CDH13: variants seen among roughly 807,000 people sequenced by gnomAD.
CDH13 encodes cadherin 13.
A neutral mutation model predicts 63.8 loss-of-function variants in CDH13; 24 were observed. That is an observed-to-expected ratio of 0.38 (90% CI 0.27 to 0.53). The LOEUF (loss-of-function observed/expected upper bound fraction) is 0.53, where lower values mean the gene tolerates loss of function less well. Among genes scored for constraint, CDH13 ranks in the 20% least tolerant of loss-of-function variants. CDH13 has a pLI of 0.85. For synonymous variants in CDH13, 503 were observed against 355.3 expected (o/e 1.42, Z -4.67); for missense variants, 1,049 against 903.1 (o/e 1.16, Z -2.07).
At chr16:83,488,790 A>C (rs1252254440) in intron 7 of CDH13, among the ~76,000 whole-genome samples, 2 of 151,874 alleles carry the variant, frequency 1.3e-5, no homozygotes, top group African/African-American at 4.8e-5. Context: ...ACACCTGGCT[A>C]ATTTTTATAT....
chr16:83,276,174 A>G (rs886447931), intron 5 of CDH13, among the ~76,000 whole-genome samples: 2 of 152,096 alleles, frequency 1.3e-5, no homozygotes, highest in African/African-American at 4.8e-5. Context: ...GGACAGCCCA[A>G]TCCATCCCAA....
intron 10 of CDH13, among the ~76,000 whole-genome samples, chr16:83,747,015 T>C (rs1912644732): frequency 6.6e-6 from 1 of 152,184 alleles, no homozygotes; most frequent in African/African-American, 2.4e-5. Context: ...CAAAACTCAT[T>C]AACTTTTAGT....
chr16:82,841,123 C>A (rs1200613605), intron 1 of CDH13, among the ~76,000 whole-genome samples: 1 of 152,230 alleles, frequency 6.6e-6, no homozygotes. Flanking sequence ...ATCAGGAGGT[C>A]AACCTTACCA....
intron 5 of CDH13, among the ~76,000 whole-genome samples, chr16:83,233,921 G>A (rs1317514105): frequency 6.6e-6 from 1 of 152,216 alleles, no homozygotes; most frequent in Non-Finnish European, 1.5e-5. Flanking sequence ...TGGAGAGACA[G>A]AGTGGGTTAG....
intron 6 of CDH13, among the ~76,000 whole-genome samples, chr16:83,470,067 ATCTGTGCAGCTCTCCTGGGCTC>A (rs2073416173): frequency 6.6e-6 from 1 of 152,126 alleles, no homozygotes; most frequent in African/African-American, 2.4e-5. Flanking sequence ...CCTGCTTCAG[ATCTGTGCAGCTCTCCTGGGCTC>A]TTAGTTGGAG....
chr16:83,787,029 A>G (rs1359667620), intron 13 of CDH13, among the ~76,000 whole-genome samples: 1 of 152,176 alleles, frequency 6.6e-6, no homozygotes, highest in Non-Finnish European at 1.5e-5. Flanking sequence ...GTGTGTCCAG[A>G]TGTTTTATCC....
At chr16:82,979,880 G>A (rs1305285886) in intron 2 of CDH13, among the ~76,000 whole-genome samples, 1 of 152,132 alleles carries the variant, frequency 6.6e-6, no homozygotes, top group Non-Finnish European at 1.5e-5. Context: ...GGACTTTGGA[G>A]ACCATTTTAG....
chr16:83,454,404 A>G (rs2072965968), intron 6 of CDH13, among the ~76,000 whole-genome samples: 1 of 152,232 alleles, frequency 6.6e-6, no homozygotes, highest in African/African-American at 2.4e-5. Flanking sequence ...TATTGACACT[A>G]GAAATCAGCC....
chr16:82,838,293 A>G (rs1258331483), intron 1 of CDH13, among the ~76,000 whole-genome samples: 2 of 152,070 alleles, frequency 1.3e-5, no homozygotes, highest in Non-Finnish European at 2.9e-5. Context: ...AGGAGGATAT[A>G]TTTTTCTGGC....
At chr16:83,608,065 A>G (rs1908512140) in intron 8 of CDH13, among the ~76,000 whole-genome samples, 1 of 152,254 alleles carries the variant, frequency 6.6e-6, no homozygotes, top group Admixed American at 6.5e-5. Context: ...TGATTATAAA[A>G]TTTAAAAAAA....
intron 3 of CDH13, among the ~76,000 whole-genome samples, chr16:83,117,859 G>A (rs1375252576): frequency 1.3e-5 from 2 of 149,156 alleles, no homozygotes; most frequent in East Asian, 4.2e-4. Flanking sequence ...GGCGAGTGTT[G>A]TGGTGCTTCC....
intron 2 of CDH13, among the ~76,000 whole-genome samples, chr16:82,885,308 AATC>A (rs1015349082): frequency 6.6e-6 from 1 of 152,230 alleles, no homozygotes; most frequent in African/African-American, 2.4e-5. Flanking sequence ...GAAGAAAAAA[AATC>A]ATAAAAGATC....
chr16:83,508,161 G>GGAGGGGAGGA (rs2074466487), intron 7 of CDH13, among the ~76,000 whole-genome samples: 1 of 112,928 alleles, frequency 8.9e-6, no homozygotes, highest in African/African-American at 3.4e-5. Flanking sequence ...GGAGGCGAGG[G>GGAGGGGAGGA]GAGGGGAGGA....
intron 4 of CDH13, among the ~76,000 whole-genome samples, chr16:83,179,526 C>A (rs1204887884): frequency 6.9e-6 from 1 of 144,818 alleles, no homozygotes; most frequent in Non-Finnish European, 1.5e-5. Flanking sequence ...GTGGCGGGCA[C>A]CTGTAGTCCC....
At chr16:83,129,953 C>G (rs1211795275) in intron 4 of CDH13, among the ~76,000 whole-genome samples, 1 of 152,214 alleles carries the variant, frequency 6.6e-6, no homozygotes, top group Non-Finnish European at 1.5e-5. Context: ...TTGAAACCCC[C>G]TGTACTTGCC....
intron 1 of CDH13, among the ~76,000 whole-genome samples, chr16:82,673,133 T>G (rs1394351332): frequency 1.3e-5 from 2 of 150,646 alleles, no homozygotes; most frequent in Non-Finnish European, 3.0e-5. Flanking sequence ...TCAGTCACTG[T>G]GCCCAGCCCC....
At chr16:83,730,640 TGTTTTGTTTTC>T (rs1321717800) in intron 10 of CDH13, among the ~76,000 whole-genome samples, 2 of 152,360 alleles carry the variant, frequency 1.3e-5, no homozygotes, top group South Asian at 2.1e-4. Context: ...TGTTTGTTTT[TGTTTTGTTTTC>T]GTTTTTTGGT....
At chr16:83,286,755 C>CAAA (rs35774290) in intron 5 of CDH13, among the ~76,000 whole-genome samples, 1 of 128,144 alleles carries the variant, frequency 7.8e-6, no homozygotes, top group Non-Finnish European at 1.6e-5. Flanking sequence ...GACTCTGTCT[C>CAAA]AAAAAAAAAA....
chr16:83,429,884 G>C (rs912611392), intron 6 of CDH13, among the ~76,000 whole-genome samples: 3 of 152,154 alleles, frequency 2.0e-5, no homozygotes, highest in Non-Finnish European at 4.4e-5. Context: ...CTTGCCAAAA[G>C]CTATCTAGAG....
Sources: allele counts gnomAD v4.1 joint callset (sites outside exome capture counted in the v4.1 genomes callset), GRCh38; gene constraint gnomAD v4.1.1; transcripts MANE v1.5; gene names NCBI Gene and HGNC (gene_info 2026-07-23, HGNC 2026-07-21).